The following PDK1 variants were observed in gnomAD, a reference collection of about 807,000 sequenced individuals.
PDK1 encodes pyruvate dehydrogenase kinase 1, also known as [Pyruvate dehydrogenase (acetyl-transferring)] kinase isozyme 1, mitochondrial.
Under a neutral mutation model 54.2 loss-of-function variants are expected in PDK1, and 39 were observed. The ratio of observed to expected loss-of-function variants is 0.72; its 90% confidence interval spans 0.56 to 0.94. The LOEUF (loss-of-function observed/expected upper bound fraction) is 0.94. PDK1 is among the 40% of genes least tolerant of loss of function. PDK1 has a pLI of 0.00. For synonymous variants in PDK1, 221 were observed against 207.1 expected (o/e 1.07, Z -0.58); for missense variants, 552 against 566.0 (o/e 0.98, Z 0.25).
intron 7 of PDK1, among the ~76,000 whole-genome samples, chr2:172,570,186 T>C (rs1186895913): frequency 6.6e-6 from 1 of 152,216 alleles, no homozygotes; most frequent in Non-Finnish European, 1.5e-5. Flanking sequence ...AGGCTTCTGA[T>C]ATGTTGGCAC....
chr2:172,567,071 A>C (rs1198293728), intron 6 of PDK1, 138 bp downstream of exon 6: 2 of 499,156 alleles, frequency 4.0e-6, no homozygotes, highest in Non-Finnish European at 3.5e-6. Flanking sequence ...TAATCATGTA[A>C]AAAATATATC....
At chr2:172,682,044 C>T in the PDK1 span, among the ~76,000 whole-genome samples, 2 of 152,372 alleles carry the variant, frequency 1.3e-5, no homozygotes, top group South Asian at 2.1e-4. Flanking sequence ...AAGGCGTGAG[C>T]CACCACGCCC....
chr2:172,633,381 C>CT, the PDK1 span, among the ~76,000 whole-genome samples: 159 of 103,942 alleles, frequency 1.5e-3, no homozygotes, highest in African/African-American at 5.6e-3. Context: ...GATTTTCTTT[C>CT]TTTTTTTTTT....
Position 172,556,202 on chromosome 2 carries a change from G to A in PDK1, c.52G>A (p.Gly18Arg). The A allele has an allele frequency of 7.1e-7, 1 of 1,417,698 alleles. No individual in the cohort carries two copies. Among genetic ancestry groups the A allele is most frequent in the African/African-American group, 1.5e-5 (1 of 66,242 alleles). 87.8% of individuals were successfully genotyped at this position (1,417,698 alleles called of 1,614,324 possible). A position where few individuals can be genotyped will look rare whatever the true frequency, so the allele number is the denominator to read the frequency against. Residue 18 changes from glycine to arginine, a missense_variant, in exon 1 of 11, where the codon GGG becomes AGG. Gly to Arg is a moderately radical substitution (Grantham distance 125). Coordinates refer to ENST00000282077, the MANE Select transcript of PDK1 (RefSeq NM_002610.5). ...RGAALAGPGP[G>R]LRAAGFSRSF... is the part of the protein sequence containing the mutation. ...AGCCGCCTTGGCCGGCCCGGGCCCG[G>A]GGCTGCGCGCCGCCGGCTTCAGCCG...
At chr2:172,646,257 G>T in the PDK1 span, among the ~76,000 whole-genome samples, 2 of 152,122 alleles carry the variant, frequency 1.3e-5, no homozygotes, top group Non-Finnish European at 2.9e-5. Flanking sequence ...TAACATATTT[G>T]CTATTTTTGT....
the PDK1 span, among the ~76,000 whole-genome samples, chr2:172,649,069 G>T: frequency 1.3e-5 from 2 of 152,210 alleles, no homozygotes; most frequent in Non-Finnish European, 2.9e-5. Flanking sequence ...TAGCCTAACT[G>T]GGAGACACCT....
At chr2:172,718,737 A>G in the PDK1 span, among the ~76,000 whole-genome samples, 4 of 152,336 alleles carry the variant, frequency 2.6e-5, no homozygotes, top group South Asian at 8.3e-4. Context: ...GACCATAAGC[A>G]TCATCTTCTT....
chr2:172,557,276 A>C (rs1440908639), intron 1 of PDK1, among the ~76,000 whole-genome samples: 3 of 152,218 alleles, frequency 2.0e-5, no homozygotes, highest in Non-Finnish European at 4.4e-5. Context: ...AACTTTTACA[A>C]GCTGTTTTCC....
Position 172,599,639 on chromosome 2 carries a change from A to G in PDK1, c.*3670A>G, listed in dbSNP as rs1173558715. 6.6e-6 allele frequency: 1 copy of G among 152,164 alleles called. No individual in the cohort carries two copies. The highest frequency in any genetic ancestry group is 2.4e-5 in the African/African-American group (1 of 41,440). 9.4% of individuals were successfully genotyped at this position (152,164 alleles called of 1,614,324 possible). The stretch of plus-strand genomic sequence containing the variant: ...TGTGTGAAGAATTTTTTGCATGTTA[A>G]AAAAAGCAAACCACTAGTTTGCTTA... On this transcript the variant is annotated 3_prime_UTR_variant, in exon 11 of 11. Coordinates refer to ENST00000282077, the MANE Select transcript of PDK1 (RefSeq NM_002610.5).
Position 172,565,792 on chromosome 2 carries a change from T to G in PDK1, c.691+719T>G, listed in dbSNP as rs566477094. Reference sequence around the variant, plus strand: ...TTTAGAAAATGGGGTGCTCTATGTTTTTTTCTACAAGTTTACAGACATCTT... The same window carrying G: ...TTTAGAAAATGGGGTGCTCTATGTTGTTTTCTACAAGTTTACAGACATCTT... On this transcript the variant is annotated intron_variant, in intron 5 of 10. Transcript: ENST00000282077. Among the ~76,000 whole-genome samples the G allele has an allele frequency of 2.6e-5, 4 of 152,368 alleles. No individual in the cohort carries two copies. The South Asian group carries it at 8.3e-4, about 32-fold the overall frequency.
At chr2:172,710,289 T>C in the PDK1 span, among the ~76,000 whole-genome samples, 2,217 of 152,300 alleles carry the variant, frequency 0.015, 36 homozygotes, top group Middle Eastern at 0.024. Flanking sequence ...AGCTGAGACA[T>C]GTGAAAGATG....
the PDK1 span, among the ~76,000 whole-genome samples, chr2:172,614,634 G>A: frequency 5.6e-3 from 859 of 152,168 alleles, 8 homozygotes; most frequent in African/African-American, 0.019. Context: ...TCTCAGCTGA[G>A]AGCTGAACAC....
intron 8 of PDK1, among the ~76,000 whole-genome samples, chr2:172,576,230 G>T (rs1285555565): frequency 6.6e-6 from 1 of 152,088 alleles, no homozygotes; most frequent in Non-Finnish European, 1.5e-5. Context: ...CCAGCCTATA[G>T]TTTGTGTTTT....
At chr2:172,621,717 T>TTATGTTTATATCTCATATATGTCA in the PDK1 span, among the ~76,000 whole-genome samples, 3 of 137,674 alleles carry the variant, frequency 2.2e-5, no homozygotes, top group East Asian at 4.0e-4. Context: ...ATCAAACATG[T>TTATGTTTATATCTCATATATGTCA]TATATGTTTA....
intron 1 of PDK1, 107 bp from the exon 2 acceptor site, chr2:172,558,601 A>G (rs1688483010): frequency 2.1e-6 from 2 of 958,760 alleles, no homozygotes; most frequent in East Asian, 2.6e-5. Context: ...TGGTGATTCT[A>G]TCCCTCTGGC....
chr2:172,642,598 C>T, the PDK1 span, among the ~76,000 whole-genome samples: 1 of 152,154 alleles, frequency 6.6e-6, no homozygotes, highest in Non-Finnish European at 1.5e-5. Context: ...GTCTGATGTG[C>T]TAGGAAGTTT....
At chr2:172,594,789 GA>G (rs530299756) in intron 10 of PDK1, among the ~76,000 whole-genome samples, 87 of 152,306 alleles carry the variant, frequency 5.7e-4, no homozygotes, top group African/African-American at 2.0e-3. Context: ...GCCTGGGATG[GA>G]AATACTACTG....
the PDK1 span, among the ~76,000 whole-genome samples, chr2:172,658,034 A>G: frequency 6.6e-6 from 1 of 152,158 alleles, no homozygotes; most frequent in Admixed American, 6.5e-5. Flanking sequence ...GCTCCTTCTA[A>G]TGATCAGCTC....
chr2:172,596,035 A>G lies in PDK1; in HGVS notation c.*66A>G, dbSNP rs1690873468. 5 of 1,376,826 alleles carry G rather than the reference A, an allele frequency of 3.6e-6. No homozygotes were observed. The Admixed American group carries it at 8.4e-5, about 23-fold the overall frequency. The allele number at this position is 1,376,826 out of a possible 1,614,324, so 85.3% of individuals were successfully genotyped here. ...ATTAAATTTGGAAGGTATGGTGTTC[A>G]GAACTATATTATACCAAGTACTTTA... On this transcript the variant is annotated 3_prime_UTR_variant, in exon 11 of 11. Coordinates refer to ENST00000282077, the MANE Select transcript of PDK1 (RefSeq NM_002610.5).
Sources: gnomAD v4.1 joint callset for allele counts (sites outside exome capture counted in the v4.1 genomes callset) on GRCh38, gnomAD v4.1.1 for gene constraint, MANE v1.5 for transcripts, NCBI Gene and HGNC (gene_info 2026-07-23, HGNC 2026-07-21) for gene names.